The following WWOX variants were observed in gnomAD, a reference collection of about 807,000 sequenced individuals.
WWOX encodes the protein WW domain containing oxidoreductase.
Under a neutral mutation model 46.2 loss-of-function variants are expected in WWOX, and 69 were observed. That is an observed-to-expected ratio of 1.49 (90% CI 1.23 to 1.82). WWOX has a LOEUF of 1.82. Ranked by LOEUF, WWOX falls within the 40% of genes most tolerant of loss-of-function variation. The pLI is 0.00. For synonymous variants in WWOX, 359 were observed against 202.6 expected, an observed-to-expected ratio of 1.77 and a Z score of -6.56; for missense variants, 919 against 542.6, an observed-to-expected ratio of 1.69 and a Z score of -6.89.
chr16:78,313,198 A>AGGT (rs1490082986), intron 5 of WWOX, among the ~76,000 whole-genome samples: 1 of 152,218 alleles, frequency 6.6e-6, no homozygotes, highest in Non-Finnish European at 1.5e-5. Context: ...ACTCCAACAC[A>AGGT]GGGCTCTTCC....
chr16:78,532,877 C>G (rs567147612), intron 8 of WWOX, among the ~76,000 whole-genome samples: 2 of 152,296 alleles, frequency 1.3e-5, no homozygotes, highest in South Asian at 4.1e-4. Context: ...GGTGGGTACA[C>G]AGCCAAACCA....
At chr16:78,962,328 A>T (rs60140899) in intron 8 of WWOX, among the ~76,000 whole-genome samples, 3,605 of 24,908 alleles carry the variant, frequency 0.14, 43 homozygotes, top group Middle Eastern at 0.21. Flanking sequence ...TTTTTTTTTA[A>T]AAAAAAAAAA....
At chr16:78,853,340 C>T (rs1395542139) in intron 8 of WWOX, among the ~76,000 whole-genome samples, 3 of 152,136 alleles carry the variant, frequency 2.0e-5, no homozygotes, top group Non-Finnish European at 4.4e-5. Context: ...TCTGCCTCAG[C>T]CTGCTGGGAT....
At chr16:79,006,954 G>A (rs534874181) in intron 8 of WWOX, among the ~76,000 whole-genome samples, 5 of 152,230 alleles carry the variant, frequency 3.3e-5, no homozygotes, top group East Asian at 3.9e-4. Context: ...GATTAGCAAC[G>A]TCAGTTCCAC....
intron 8 of WWOX, among the ~76,000 whole-genome samples, chr16:78,645,893 G>A (rs1205592980): frequency 6.6e-6 from 1 of 152,086 alleles, no homozygotes; most frequent in Non-Finnish European, 1.5e-5. Context: ...ATTTCTGGAG[G>A]CCACCTGTGT....
chr16:78,344,279 G>C (rs577481079), intron 5 of WWOX, among the ~76,000 whole-genome samples: 1 of 120,442 alleles, frequency 8.3e-6, no homozygotes, highest in East Asian at 1.9e-4. Flanking sequence ...TTTCTTTGTG[G>C]TCTGGTAAGT....
intron 5 of WWOX, chr16:78,355,687 G>T: frequency 1.4e-6 from 1 of 734,506 alleles, no homozygotes. Flanking sequence ...ATATGATCTT[G>T]GGAGACGTGG....
At chr16:78,788,410 T>A (rs892902155) in intron 8 of WWOX, among the ~76,000 whole-genome samples, 1 of 152,168 alleles carries the variant, frequency 6.6e-6, no homozygotes. Flanking sequence ...CTTCCCCACC[T>A]TTTTGATTGT....
intron 8 of WWOX, among the ~76,000 whole-genome samples, chr16:79,071,422 C>T (rs1238621852): frequency 3.3e-5 from 5 of 152,354 alleles, no homozygotes; most frequent in Admixed American, 1.3e-4. Context: ...CTTCCCCCCT[C>T]ATCTCTTAGA....
At chr16:78,111,176 T>G (rs567161765) in intron 3 of WWOX, among the ~76,000 whole-genome samples, 3 of 152,252 alleles carry the variant, frequency 2.0e-5, no homozygotes, top group African/African-American at 2.4e-5. Context: ...ATCTACAATT[T>G]CTACTTTCAT....
intron 8 of WWOX, among the ~76,000 whole-genome samples, chr16:78,861,428 A>T (rs959524076): frequency 7.2e-5 from 11 of 152,306 alleles, no homozygotes; most frequent in African/African-American, 2.6e-4. Context: ...AAATCCCATG[A>T]GTCTACCATC....
intron 8 of WWOX, among the ~76,000 whole-genome samples, chr16:78,993,484 G>C (rs1173309951): frequency 6.6e-6 from 1 of 152,170 alleles, no homozygotes; most frequent in Non-Finnish European, 1.5e-5. Context: ...GGGCTGCCAG[G>C]TGTGATAAAT....
At chr16:79,036,110 C>G (rs575058614) in intron 8 of WWOX, among the ~76,000 whole-genome samples, 9 of 152,318 alleles carry the variant, frequency 5.9e-5, no homozygotes, top group African/African-American at 1.4e-4. Context: ...TCACCACACC[C>G]TGGGCTATCT....
intron 5 of WWOX, among the ~76,000 whole-genome samples, chr16:78,218,094 A>C (rs1171020149): frequency 6.6e-6 from 1 of 151,688 alleles, no homozygotes; most frequent in Admixed American, 6.6e-5. Context: ...CACTCTTGTC[A>C]CCCAGGCTAG....
At chr16:78,462,184 G>A (rs1354075055) in intron 8 of WWOX, among the ~76,000 whole-genome samples, 1 of 152,176 alleles carries the variant, frequency 6.6e-6, no homozygotes, top group Non-Finnish European at 1.5e-5. Flanking sequence ...GCAACTTGCA[G>A]CGAGGCCATT....
rs562777369 is a variant in WWOX, at chr16:78,186,484, C to T, written c.516+22195C>T. 3.3e-5 allele frequency among the ~76,000 whole-genome samples: 5 copies of T among 152,268 alleles called. No individual in the cohort carries two copies. The East Asian group carries it at 9.7e-4, about 29-fold the overall frequency. On this transcript the variant is annotated intron_variant, in intron 5 of 8. Coordinates refer to ENST00000566780, the MANE Select transcript of WWOX (RefSeq NM_016373.4). ...GTCTTTTAAAAAGCTTTATTTTATGCCAGATGCAGTGCCTCATGCCTGTAA... is the reference window on the plus strand; with the variant it reads ...GTCTTTTAAAAAGCTTTATTTTATGTCAGATGCAGTGCCTCATGCCTGTAA...
At chr16:78,583,083 A>AGGGG (rs2151591216) in intron 8 of WWOX, among the ~76,000 whole-genome samples, 1 of 152,334 alleles carries the variant, frequency 6.6e-6, no homozygotes, top group Non-Finnish European at 1.5e-5. Flanking sequence ...AGAGCTCTTG[A>AGGGG]AGAAGATGGG....
intron 8 of WWOX, among the ~76,000 whole-genome samples, chr16:78,449,085 G>C (rs1032461486): frequency 6.6e-6 from 1 of 152,138 alleles, no homozygotes; most frequent in Non-Finnish European, 1.5e-5. Context: ...TCAAGACTCA[G>C]CAGGGAAGGA....
At chr16:78,452,867 T>TTATATATATATATATATA (rs142437197) in intron 8 of WWOX, among the ~76,000 whole-genome samples, 1 of 127,636 alleles carries the variant, frequency 7.8e-6, no homozygotes, top group African/African-American at 3.7e-5. Flanking sequence ...AGTGAGCTAT[T>TTATATATATATATATATA]TATATATATA....
Sources: gnomAD v4.1 joint callset for allele counts (sites outside exome capture counted in the v4.1 genomes callset) on GRCh38, gnomAD v4.1.1 for gene constraint, MANE v1.5 for transcripts, NCBI Gene and HGNC (gene_info 2026-07-23, HGNC 2026-07-21) for gene names.